Variants in ETV1 observed in about 807,000 individuals in gnomAD.
ETV1 encodes the protein ETS variant transcription factor 1.
A neutral mutation model predicts 62.3 loss-of-function variants in ETV1; 27 were observed. The ratio of observed to expected loss-of-function variants is 0.43; its 90% CI spans 0.32 to 0.60. ETV1 has a LOEUF of 0.60. Among genes scored for constraint, ETV1 ranks in the 20% least tolerant of loss-of-function variants. ETV1 has a pLI of 0.06. For synonymous variants in ETV1, 222 were observed against 199.6 expected, an observed-to-expected ratio of 1.11 and a Z score of -0.94; for missense variants, 605 against 605.8, an observed-to-expected ratio of 1.00 and a Z score of 0.01.
intron 13 of ETV1, among the ~76,000 whole-genome samples, chr7:13,898,560 C>T (rs10268584): frequency 0.44 from 66,984 of 151,908 alleles, 14,967 homozygotes; most frequent in South Asian, 0.51. Flanking sequence ...TTACTTCTTC[C>T]GTATTACTAA....
chr7:13,975,462 CTGAGGCAGGAGAATGGT>C (rs1409302893), intron 6 of ETV1, among the ~76,000 whole-genome samples: 1 of 149,400 alleles, frequency 6.7e-6, no homozygotes, highest in East Asian at 2.0e-4. Context: ...AGGAGAATGG[CTGAGGCAGGAGAATGGT>C]GTGAACCCGG....
intron 9 of ETV1, among the ~76,000 whole-genome samples, chr7:13,918,874 T>TAA (rs370489670): frequency 0.36 from 51,538 of 141,520 alleles, 9,480 homozygotes; most frequent in East Asian, 0.39. Flanking sequence ...TAAAGTATAA[T>TAA]AAAAAAAAAA....
intron 11 of ETV1, among the ~76,000 whole-genome samples, chr7:13,908,370 AG>A (rs1231242567): frequency 1.3e-5 from 2 of 152,134 alleles, no homozygotes; most frequent in Non-Finnish European, 2.9e-5. Flanking sequence ...CTAATTTTCA[AG>A]ATCTCTGCAA....
At chr7:13,975,664 T>C (rs1407073692) in intron 6 of ETV1, among the ~76,000 whole-genome samples, 1 of 129,634 alleles carries the variant, frequency 7.7e-6, no homozygotes, top group Admixed American at 7.9e-5. Context: ...GGAAGGAAGA[T>C]GAGTTGAGTA....
In ETV1 at chr7:13,924,178, A is replaced by G. The variant is rs529418801; in HGVS notation, c.802+7324T>C. On this transcript the variant is annotated intron_variant, in intron 9 of 13. Transcript: ENST00000430479. ...TTGTGAAAAATGGATTCAGCTGACA[A>G]TGGTCTGAAAAGCACAGCTGAAGGT... is the stretch of plus-strand genomic sequence containing the variant. Among the ~76,000 whole-genome samples the G allele has an allele frequency of 7.2e-4, 110 of 152,294 alleles. 1 individual carries two copies. Among genetic ancestry groups the G allele is most frequent in the African/African-American group, 2.6e-3 (106 of 41,568 alleles).
intron 3 of ETV1, chr7:13,988,440 A>G: frequency 3.4e-6 from 2 of 583,520 alleles, no homozygotes; most frequent in Admixed American, 3.5e-5. Flanking sequence ...TATTCATGGT[A>G]TCTCAGCATC....
At position 13,893,898 on chromosome 7, in the gene ETV1, G is replaced by A. The variant is rs1423734821; in HGVS notation, c.*1968C>T. 4.3e-6 allele frequency: 1 copy of A among 233,024 alleles called. No individual in the cohort carries two copies. Among genetic ancestry groups the A allele is most frequent in the Non-Finnish European group, 8.5e-6 (1 of 117,780 alleles). The allele number at this position is 233,024 out of a possible 1,614,324, so 14.4% of individuals were successfully genotyped here. A position where few individuals can be genotyped will look rare whatever the true frequency, so the allele number is the denominator to read the frequency against. ...CCCAAAATGGGCCAAAATAATACAT[G>A]ATGTATATGAACAACAATCATTGAA... is the stretch of plus-strand genomic sequence containing the variant. On this transcript the variant is annotated 3_prime_UTR_variant, in exon 14 of 14. Coordinates refer to ENST00000430479, the MANE Select transcript of ETV1 (RefSeq NM_004956.5).
chr7:13,892,185 A>C lies in ETV1; in HGVS notation c.*3681T>G, dbSNP rs892459922. 8.6e-6 allele frequency: 2 copies of C among 232,470 alleles called. No individual in the cohort carries two copies. Among genetic ancestry groups the C allele is most frequent in the African/African-American group, 4.4e-5 (2 of 45,332 alleles). The allele number at this position is 232,470 out of a possible 1,614,324, so 14.4% of individuals were successfully genotyped here. On this transcript the variant is annotated 3_prime_UTR_variant, in exon 14 of 14. Transcript: ENST00000430479. ...CATAGTAACCCATATTAACACCAAA[A>C]GAAATGTATTAAAAAATAAAATCTG... is the stretch of plus-strand genomic sequence containing the variant.
chr7:13,909,621 G>GT lies in ETV1; in HGVS notation c.940+10dup. On this transcript the variant is annotated intron_variant, in intron 11 of 13. Coordinates refer to ENST00000430479, the MANE Select transcript of ETV1 (RefSeq NM_004956.5). Reference sequence around the variant, plus strand: ...AAAAAATCAGAACTTGAGGCAAAGTGTAAAACCTACCATCGAATTTTTCTG... The same window carrying GT: ...AAAAAATCAGAACTTGAGGCAAAGTGTTAAAACCTACCATCGAATTTTTCTG... The GT allele has an allele frequency of 6.2e-7, 1 of 1,609,046 alleles. No homozygotes were observed. The highest frequency in any genetic ancestry group is 8.5e-7 in the Non-Finnish European group (1 of 1,175,844).
At chr7:13,904,876 G>C (rs980134489) in intron 12 of ETV1, among the ~76,000 whole-genome samples, 2 of 150,934 alleles carry the variant, frequency 1.3e-5, no homozygotes, top group Non-Finnish European at 2.9e-5. Flanking sequence ...TCATGTGAGA[G>C]TATCTATGAA....
At chr7:13,990,820 C>G (rs1030401741), upstream of ETV1, 1 of 152,188 alleles carries the variant, frequency 6.6e-6, no homozygotes, top group African/African-American at 2.4e-5. Context: ...GTGACCAGAA[C>G]TAGTGACCAA....
At chr7:13,977,565 G>T in intron 5 of ETV1, 85 bp from the exon 6 acceptor site, 2 of 898,638 alleles carry the variant, frequency 2.2e-6, no homozygotes, top group Non-Finnish European at 3.5e-6. Flanking sequence ...TGTCAAGTAA[G>T]ATCTTCTTGG....
At chr7:13,951,682 A>C (rs1788831286) in intron 6 of ETV1, among the ~76,000 whole-genome samples, 1 of 152,198 alleles carries the variant, frequency 6.6e-6, no homozygotes, top group African/African-American at 2.4e-5. Flanking sequence ...TAAGCTAGGT[A>C]ACCTTTGTGT....
chr7:13,939,206 G>A lies in ETV1; in HGVS notation c.276C>T (p.Pro92=), dbSNP rs1787183209. 1 of 1,610,492 alleles carries A rather than the reference G, an allele frequency of 6.2e-7. No homozygotes were observed. The highest frequency in any genetic ancestry group is 8.5e-7 in the Non-Finnish European group (1 of 1,179,118). ...HGLPLKIKKE[P]HSPCSEISSA... ...AGCTGATTTCTGAACATGGACTGTG[G>A]GGTTCTTTCTTGATTTTCAGTGGCA... The change falls in exon 7 of 14, where the codon CCC becomes CCT. Residue 92 remains proline, a synonymous_variant. Transcript: ENST00000430479.
Position 13,985,513 on chromosome 7 carries a change from C to T in ETV1, c.181+1125G>A, listed in dbSNP as rs1359268111. On this transcript the variant is annotated intron_variant, in intron 5 of 13. Coordinates refer to ENST00000430479, the MANE Select transcript of ETV1 (RefSeq NM_004956.5). ...ATGCTAACAGCAACTTGATCAACTG[C>T]ATTCAAGACCACCGATAAAACACGT... is the stretch of plus-strand genomic sequence containing the variant. 2.0e-5 allele frequency: 3 copies of T among 152,114 alleles called. No homozygotes were observed. In the East Asian group the frequency reaches 5.8e-4, roughly 29 times the overall value. 9.4% of individuals were successfully genotyped at this position (152,114 alleles called of 1,614,324 possible).
chr7:13,931,739 G>A lies in ETV1; in HGVS notation c.565C>T (p.Gln189Ter). 6.2e-7 allele frequency: 1 copy of A among 1,613,954 alleles called. No homozygotes were observed. The highest frequency in any genetic ancestry group is 8.5e-7 in the Non-Finnish European group (1 of 1,179,842). Residue 189 changes from glutamine to a stop codon, truncating the protein, a stop_gained, in exon 9 of 14, where the codon CAG becomes TAG. Transcript: ENST00000430479. LOFTEE classifies it high-confidence loss of function. The part of the protein sequence containing the change: ...SYPMDHRFRR[Q>*]LSEPCNSFPP... The stretch of plus-strand genomic sequence containing the variant: ...AAGGAGTTACAGGGTTCAGAAAGCT[G>A]GCGGCGAAATCTAGGGAATAAGAGA...
intron 6 of ETV1, among the ~76,000 whole-genome samples, chr7:13,970,234 C>G (rs1780738136): frequency 6.8e-6 from 1 of 147,496 alleles, no homozygotes; most frequent in South Asian, 2.3e-4. Context: ...GCACTCCAGC[C>G]TGGGCGACAG....
intron 5 of ETV1, among the ~76,000 whole-genome samples, chr7:13,982,080 G>A (rs916037805): frequency 6.6e-6 from 1 of 151,966 alleles, no homozygotes; most frequent in Admixed American, 6.6e-5. Flanking sequence ...CTTGATCAAG[G>A]CATTATTTCC....
chr7:13,945,552 C>A (rs1335903520), intron 6 of ETV1, among the ~76,000 whole-genome samples: 1 of 151,692 alleles, frequency 6.6e-6, no homozygotes, highest in Admixed American at 6.6e-5. Flanking sequence ...AGAAAGCCAA[C>A]CTAAAAATCT....
Sources: allele counts gnomAD v4.1 joint callset (sites outside exome capture counted in the v4.1 genomes callset), GRCh38; gene constraint gnomAD v4.1.1; transcripts MANE v1.5; gene names NCBI Gene and HGNC (gene_info 2026-07-23, HGNC 2026-07-21).